The following DAB1 variants were observed in gnomAD, a reference collection of about 807,000 sequenced individuals.
DAB1 encodes DAB adaptor protein 1.
In DAB1, 15 loss-of-function variants were observed where a neutral mutation model predicts 64.6. That is an observed-to-expected ratio of 0.23 (90% confidence interval 0.16 to 0.36). The LOEUF (loss-of-function observed/expected upper bound fraction) is 0.36. Among genes scored for constraint, DAB1 ranks in the 10% least tolerant of loss-of-function variants. DAB1 has a pLI of 1.00. For missense variants in DAB1, 596 were observed against 706.7 expected (o/e 0.84, Z 1.78); for synonymous variants, 235 against 251.9 (o/e 0.93, Z 0.64).
chr1:58,105,419 T>A (rs1651574229), intron 5 of DAB1, among the ~76,000 whole-genome samples: 2 of 152,198 alleles, frequency 1.3e-5, no homozygotes, highest in Admixed American at 1.3e-4. Context: ...GGTGCCCGCA[T>A]GCATCATTTC....
At chr1:58,112,334 G>A (rs192415296) in intron 5 of DAB1, among the ~76,000 whole-genome samples, 27 of 152,290 alleles carry the variant, frequency 1.8e-4, no homozygotes, top group Admixed American at 1.4e-3. Flanking sequence ...AGGGCCATAT[G>A]CAAAGAATCT....
At chr1:57,514,000 C>G (rs1348666378) in intron 7 of DAB1, among the ~76,000 whole-genome samples, 2 of 152,200 alleles carry the variant, frequency 1.3e-5, no homozygotes, top group African/African-American at 4.8e-5. Context: ...TCAGGTTCAA[C>G]CAAGTTGTCA....
At chr1:57,941,288 T>C (rs944721181) in intron 5 of DAB1, among the ~76,000 whole-genome samples, 2 of 152,240 alleles carry the variant, frequency 1.3e-5, no homozygotes, top group Non-Finnish European at 2.9e-5. Context: ...ATTTATCATT[T>C]TATCTGCACA....
At chr1:57,857,867 G>GA (rs1557520109) in intron 1 of DAB1, among the ~76,000 whole-genome samples, 1 of 83,114 alleles carries the variant, frequency 1.2e-5, no homozygotes, top group African/African-American at 4.9e-5. Context: ...AAAAAAAAAA[G>GA]AAAAAAGAAA....
chr1:57,573,234 ATACCATCACACCT>A, intron 7 of DAB1, among the ~76,000 whole-genome samples: 1 of 152,006 alleles, frequency 6.6e-6, no homozygotes, highest in African/African-American at 2.4e-5. Context: ...ACTCAGGTGT[ATACCATCACACCT>A]GGCTGGTTTT....
intron 5 of DAB1, among the ~76,000 whole-genome samples, chr1:58,086,768 T>G (rs1372401195): frequency 6.6e-6 from 1 of 151,856 alleles, no homozygotes; most frequent in Non-Finnish European, 1.5e-5. Flanking sequence ...CTGTTCCTTC[T>G]GCTTGGAATT....
intron 7 of DAB1, among the ~76,000 whole-genome samples, chr1:57,563,565 C>A (rs910954812): frequency 1.3e-5 from 2 of 152,094 alleles, no homozygotes; most frequent in Non-Finnish European, 2.9e-5. Context: ...ACAGATGGCA[C>A]CTGGAAAATT....
chr1:57,557,136 C>G (rs1265526471), intron 7 of DAB1, among the ~76,000 whole-genome samples: 2 of 152,038 alleles, frequency 1.3e-5, no homozygotes, highest in African/African-American at 4.8e-5. Context: ...AGTCAGTGGG[C>G]TTGGAAAGGT....
At chr1:58,473,321 T>A (rs1383815590) in intron 3 of DAB1, among the ~76,000 whole-genome samples, 1 of 151,756 alleles carries the variant, frequency 6.6e-6, no homozygotes, top group Non-Finnish European at 1.5e-5. Context: ...GGCGGGTGGA[T>A]CACGAGGTCA....
chr1:57,325,786 C>T (rs188864127), intron 1 of DAB1, among the ~76,000 whole-genome samples: 1 of 152,250 alleles, frequency 6.6e-6, no homozygotes, highest in Non-Finnish European at 1.5e-5. Context: ...CTTCCCTCAC[C>T]TTCCCATTCC....
At chr1:57,912,982 T>C (rs1282647605) in intron 5 of DAB1, among the ~76,000 whole-genome samples, 5 of 152,126 alleles carry the variant, frequency 3.3e-5, no homozygotes, top group Admixed American at 3.3e-4. Context: ...TGCTCATGGG[T>C]AGGAAGAATC....
chr1:58,181,739 T>C (rs1656805433), intron 4 of DAB1, among the ~76,000 whole-genome samples: 1 of 152,108 alleles, frequency 6.6e-6, no homozygotes, highest in Non-Finnish European at 1.5e-5. Flanking sequence ...TCCTTCTTTG[T>C]GTTATTATAG....
At chr1:57,651,115 G>T (rs541648478) in intron 6 of DAB1, among the ~76,000 whole-genome samples, 1 of 151,732 alleles carries the variant, frequency 6.6e-6, no homozygotes, top group Non-Finnish European at 1.5e-5. Context: ...CAAGAAGATG[G>T]AAAGCAGGGA....
chr1:57,320,688 A>G (rs984689930), intron 1 of DAB1, among the ~76,000 whole-genome samples: 1 of 152,098 alleles, frequency 6.6e-6, no homozygotes, highest in African/African-American at 2.4e-5. Flanking sequence ...TTTGTTATAA[A>G]ATATTATATA....
intron 1 of DAB1, among the ~76,000 whole-genome samples, chr1:57,872,011 T>C (rs1215074394): frequency 1.3e-5 from 2 of 152,136 alleles, no homozygotes; most frequent in Non-Finnish European, 2.9e-5. Context: ...AAGCCTTAGC[T>C]TCCTCATCTG....
chr1:58,315,331 G>A (rs1050981565), intron 4 of DAB1, among the ~76,000 whole-genome samples: 2 of 152,126 alleles, frequency 1.3e-5, no homozygotes, highest in Admixed American at 6.6e-5. Flanking sequence ...CAGAAAATTT[G>A]AGAAGCATTG....
At chr1:57,094,500 C>T (rs538414378) in intron 4 of DAB1, among the ~76,000 whole-genome samples, 3 of 152,122 alleles carry the variant, frequency 2.0e-5, no homozygotes, top group Non-Finnish European at 4.4e-5. Context: ...GGCCTGAGGT[C>T]AGAGTGGTTA....
At chr1:57,256,905 G>A (rs536969086) in intron 2 of DAB1, among the ~76,000 whole-genome samples, 96 of 152,310 alleles carry the variant, frequency 6.3e-4, no homozygotes, top group African/African-American at 2.2e-3. Flanking sequence ...AGCAGCCACT[G>A]TTCCTGGACC....
chr1:57,579,849 A>G (rs1288265534), intron 7 of DAB1, among the ~76,000 whole-genome samples: 2 of 152,188 alleles, frequency 1.3e-5, no homozygotes, highest in Admixed American at 6.5e-5. Flanking sequence ...GCGCAGGTCA[A>G]AAGAGAGACA....
Sources: allele counts gnomAD v4.1 joint callset (sites outside exome capture counted in the v4.1 genomes callset), GRCh38; gene constraint gnomAD v4.1.1; transcripts MANE v1.5; gene names NCBI Gene and HGNC (gene_info 2026-07-23, HGNC 2026-07-21).